RABGAP1L: variants seen among roughly 807,000 people sequenced by gnomAD.
The protein encoded by RABGAP1L is rab GTPase-activating protein 1-like.
A neutral mutation model predicts 137.7 loss-of-function variants in RABGAP1L; 63 were observed. The ratio of observed to expected loss-of-function variants is 0.46; its 90% CI spans 0.37 to 0.56. RABGAP1L has a LOEUF of 0.56. RABGAP1L is among the 20% of genes least tolerant of loss of function. RABGAP1L has a pLI of 0.00. For synonymous variants in RABGAP1L, 431 were observed against 433.7 expected, an observed-to-expected ratio of 0.99 and a Z score of 0.08; for missense variants, 1,095 against 1,244.0, an observed-to-expected ratio of 0.88 and a Z score of 1.80.
chr1:174,473,705 A>G lies in RABGAP1L; in HGVS notation c.1710+79560A>G, dbSNP rs72713599. Reference sequence around the variant, plus strand: ...GTTCTCAAACTTTATTTTAATGCCAACCACATCTTGTTTAGAATCCACATA... The same window carrying G: ...GTTCTCAAACTTTATTTTAATGCCAGCCACATCTTGTTTAGAATCCACATA... On this transcript the variant is annotated intron_variant, in intron 13 of 25. Transcript: ENST00000681986. 5.5e-3 allele frequency among the ~76,000 whole-genome samples: 842 copies of G among 152,336 alleles called. 3 individuals carry two copies. The highest frequency in any genetic ancestry group is 8.4e-3 in the Non-Finnish European group (574 of 68,026).
intron 13 of RABGAP1L, among the ~76,000 whole-genome samples, chr1:174,620,672 A>G (rs1453921527): frequency 2.6e-5 from 4 of 152,214 alleles, no homozygotes; most frequent in Admixed American, 2.6e-4. Context: ...AATACCCACA[A>G]GAGAAAGCAG....
At chr1:174,505,015 G>A (rs1028757941) in intron 13 of RABGAP1L, among the ~76,000 whole-genome samples, 11 of 152,124 alleles carry the variant, frequency 7.2e-5, no homozygotes, top group Non-Finnish European at 2.9e-5. Flanking sequence ...CAATTCAATT[G>A]TAAGAAAACA....
chr1:174,426,973 C>A (rs931829627), intron 13 of RABGAP1L, among the ~76,000 whole-genome samples: 39 of 152,060 alleles, frequency 2.6e-4, no homozygotes, highest in African/African-American at 9.4e-4. Context: ...GTTGCAGAGC[C>A]ACACTTATCA....
chr1:174,987,358 G>A (rs1440282322), intron 24 of RABGAP1L, among the ~76,000 whole-genome samples: 4 of 152,088 alleles, frequency 2.6e-5, no homozygotes, highest in Non-Finnish European at 4.4e-5. Context: ...CTAGAGACGG[G>A]GTTTCACCAT....
chr1:174,597,715 C>T (rs549074287), intron 13 of RABGAP1L, among the ~76,000 whole-genome samples: 1 of 151,894 alleles, frequency 6.6e-6, no homozygotes, highest in Non-Finnish European at 1.5e-5. Flanking sequence ...TTCTTTTTCT[C>T]TTTCCAATTT....
At chr1:174,490,787 C>T (rs923313052) in intron 13 of RABGAP1L, among the ~76,000 whole-genome samples, 2 of 152,110 alleles carry the variant, frequency 1.3e-5, no homozygotes, top group Non-Finnish European at 2.9e-5. Flanking sequence ...CCACGAGTCA[C>T]GGTTTTTCCC....
At chr1:174,646,636 A>G (rs545642714) in intron 14 of RABGAP1L, among the ~76,000 whole-genome samples, 54 of 152,294 alleles carry the variant, frequency 3.5e-4, no homozygotes, top group Non-Finnish European at 4.0e-4. Context: ...GTTTGAAATC[A>G]AGTAGCATGA....
intron 13 of RABGAP1L, among the ~76,000 whole-genome samples, chr1:174,574,346 T>C (rs1335592843): frequency 6.6e-6 from 1 of 152,178 alleles, no homozygotes; most frequent in East Asian, 1.9e-4. Flanking sequence ...CCACACTCAT[T>C]TTGATGAGAA....
chr1:174,947,740 C>A (rs1667113043), intron 19 of RABGAP1L, among the ~76,000 whole-genome samples: 2 of 152,110 alleles, frequency 1.3e-5, no homozygotes, highest in Non-Finnish European at 2.9e-5. Context: ...ATTTCTAAAC[C>A]ACCTCAAATA....
At chr1:174,359,828 C>T (rs1683977632) in intron 11 of RABGAP1L, among the ~76,000 whole-genome samples, 1 of 152,192 alleles carries the variant, frequency 6.6e-6, no homozygotes, top group Non-Finnish European at 1.5e-5. Context: ...ATAGTGACTA[C>T]CTCATTAGGT....
chr1:174,895,928 C>T (rs184465829), intron 19 of RABGAP1L, among the ~76,000 whole-genome samples: 189 of 152,264 alleles, frequency 1.2e-3, no homozygotes, highest in African/African-American at 4.4e-3. Flanking sequence ...TTGATAGCAG[C>T]ATAATTTCTA....
At chr1:174,532,290 C>G (rs993967400) in intron 13 of RABGAP1L, among the ~76,000 whole-genome samples, 2 of 151,780 alleles carry the variant, frequency 1.3e-5, no homozygotes, top group African/African-American at 4.8e-5. Context: ...CTCACCGCAG[C>G]CTTTGCCTCC....
At chr1:174,874,547 C>G in intron 19 of RABGAP1L, 1 of 942,060 alleles carries the variant, frequency 1.1e-6, no homozygotes, top group Non-Finnish European at 1.3e-6. Context: ...CACCACAGCC[C>G]TTGATCTCAG....
intron 13 of RABGAP1L, among the ~76,000 whole-genome samples, chr1:174,524,368 C>G (rs1663695699): frequency 2.6e-5 from 4 of 151,854 alleles, no homozygotes; most frequent in African/African-American, 9.7e-5. Flanking sequence ...GATGAGAACT[C>G]TTTCTGGTTT....
intron 11 of RABGAP1L, among the ~76,000 whole-genome samples, chr1:174,316,261 G>T (rs778541876): frequency 8.5e-5 from 13 of 152,106 alleles, no homozygotes; most frequent in Non-Finnish European, 8.8e-5. Context: ...AGTTCATTTG[G>T]TGAGGTCATA....
chr1:174,710,842 G>A (rs1236112488), intron 17 of RABGAP1L, among the ~76,000 whole-genome samples: 6 of 152,206 alleles, frequency 3.9e-5, no homozygotes, highest in African/African-American at 1.4e-4. Flanking sequence ...AATGTAAATA[G>A]GCTAAATACC....
Position 174,906,869 on chromosome 1 carries a change from G to A in RABGAP1L, c.2341-50588G>A, listed in dbSNP as rs562523191. Among the ~76,000 whole-genome samples the A allele has an allele frequency of 8.8e-5, 13 of 148,348 alleles. No homozygotes were observed. In the South Asian group the frequency reaches 2.6e-3, roughly 29 times the overall value. On this transcript the variant is annotated intron_variant, in intron 19 of 25. Coordinates refer to ENST00000681986, the MANE Select transcript of RABGAP1L (RefSeq NM_001366446.1). ...AATGGAAAACCATATAGGCCATGAG[G>A]GGATGAAGTGACATTTTCAAAGTGC...
intron 12 of RABGAP1L, among the ~76,000 whole-genome samples, chr1:174,376,988 A>T (rs115908908): frequency 1.3e-5 from 2 of 152,192 alleles, no homozygotes; most frequent in Non-Finnish European, 2.9e-5. Context: ...AAACTCCTAG[A>T]TCTAATAAAT....
chr1:174,929,848 AT>A (rs58140970), intron 19 of RABGAP1L, among the ~76,000 whole-genome samples: 24,261 of 124,478 alleles, frequency 0.19, 2,090 homozygotes, highest in East Asian at 0.46. Context: ...GCAAAATTTA[AT>A]TTTTTTTTTT....
Sources: allele counts gnomAD v4.1 joint callset (sites outside exome capture counted in the v4.1 genomes callset), GRCh38; gene constraint gnomAD v4.1.1; transcripts MANE v1.5; gene names NCBI Gene and HGNC (gene_info 2026-07-23, HGNC 2026-07-21).